CFAP54: variants seen among roughly 807,000 people sequenced by gnomAD.
CFAP54 encodes cilia and flagella associated protein 54.
A neutral mutation model predicts 370.4 loss-of-function variants in CFAP54; 290 were observed. The ratio of observed to expected loss-of-function variants is 0.78; its 90% CI spans 0.71 to 0.86. The LOEUF (loss-of-function observed/expected upper bound fraction) is 0.86, where lower values mean the gene tolerates loss of function less well. CFAP54 is among the 40% of genes least tolerant of loss of function. CFAP54 has a pLI of 0.00. For missense variants in CFAP54, 3,399 were observed against 3,528.7 expected, an observed-to-expected ratio of 0.96 and a Z score of 0.93; for synonymous variants, 1,206 against 1,236.5, an observed-to-expected ratio of 0.98 and a Z score of 0.52.
chr12:96,832,774 G>A (rs1237661471), intron 66 of CFAP54, among the ~76,000 whole-genome samples: 1 of 152,182 alleles, frequency 6.6e-6, no homozygotes, highest in Non-Finnish European at 1.5e-5. Flanking sequence ...GTTGAATCCT[G>A]TAAGAATTAG....
intron 50 of CFAP54, among the ~76,000 whole-genome samples, chr12:96,732,167 C>T (rs1225995849): frequency 6.6e-6 from 1 of 151,820 alleles, no homozygotes; most frequent in Non-Finnish European, 1.5e-5. Context: ...GCTGTGTCAC[C>T]CAGGCTGGAG....
intron 2 of CFAP54, among the ~76,000 whole-genome samples, chr12:96,501,530 C>T (rs11108551): frequency 0.11 from 16,051 of 152,148 alleles, 1,364 homozygotes; most frequent in East Asian, 0.45. Context: ...TGCTGTGGAC[C>T]GGTGGACTTG....
At chr12:96,782,234 C>G (rs775009796) in intron 60 of CFAP54, among the ~76,000 whole-genome samples, 20 of 151,982 alleles carry the variant, frequency 1.3e-4, no homozygotes, top group Non-Finnish European at 2.9e-4. Context: ...AGTAAATATT[C>G]AGATGCCAAA....
intron 36 of CFAP54, among the ~76,000 whole-genome samples, chr12:96,655,876 T>C (rs1956916727): frequency 6.6e-6 from 1 of 152,170 alleles, no homozygotes; most frequent in African/African-American, 2.4e-5. Context: ...TAATTTCTTT[T>C]TTTTAGGTAG....
chr12:96,548,453 A>C (rs548268899), intron 15 of CFAP54, among the ~76,000 whole-genome samples: 13 of 152,110 alleles, frequency 8.5e-5, no homozygotes, highest in Non-Finnish European at 1.9e-4. Context: ...TGCTAATTTT[A>C]AAAGTGTTAT....
At chr12:96,718,046 T>C (rs1233138727) in intron 48 of CFAP54, among the ~76,000 whole-genome samples, 1 of 152,206 alleles carries the variant, frequency 6.6e-6, no homozygotes, top group Non-Finnish European at 1.5e-5. Context: ...TTCCTGTGAA[T>C]GATGAGTTTT....
At chr12:96,573,180 C>T (rs1955941222) in intron 19 of CFAP54, 1 of 396,060 alleles carries the variant, frequency 2.5e-6, no homozygotes, top group Non-Finnish European at 3.4e-6. Flanking sequence ...CATTGGTCTC[C>T]TTTCCTTGTT....
intron 39 of CFAP54, among the ~76,000 whole-genome samples, chr12:96,674,179 C>T (rs983965091): frequency 3.9e-5 from 6 of 152,146 alleles, no homozygotes; most frequent in Admixed American, 6.6e-5. Context: ...TTGATTAGTG[C>T]CTTTGGGCAT....
At chr12:96,710,663 AT>A (rs953864158) in intron 48 of CFAP54, among the ~76,000 whole-genome samples, 150 of 145,762 alleles carry the variant, frequency 1.0e-3, no homozygotes, top group Admixed American at 1.2e-3. Flanking sequence ...GACATACAGA[AT>A]TTTTTTTTTT....
At chr12:96,618,978 T>C (rs1956454611) in intron 26 of CFAP54, among the ~76,000 whole-genome samples, 1 of 152,102 alleles carries the variant, frequency 6.6e-6, no homozygotes, top group Admixed American at 6.6e-5. Context: ...AATCCTCGCA[T>C]ATCAGCCTCT....
At chr12:96,583,030 T>G (rs1715927067) in intron 22 of CFAP54, among the ~76,000 whole-genome samples, 1 of 152,156 alleles carries the variant, frequency 6.6e-6, no homozygotes, top group Non-Finnish European at 1.5e-5. Flanking sequence ...TTATAAATAT[T>G]TGATAGTAAA....
chr12:96,718,944 A>G (rs1199529182), intron 49 of CFAP54, among the ~76,000 whole-genome samples: 1 of 152,030 alleles, frequency 6.6e-6, no homozygotes, highest in Non-Finnish European at 1.5e-5. Flanking sequence ...AGGCTGAGGC[A>G]GGAGAATCGC....
At chr12:96,819,655 A>G (rs1249812666) in intron 65 of CFAP54, among the ~76,000 whole-genome samples, 1 of 152,154 alleles carries the variant, frequency 6.6e-6, no homozygotes, top group Non-Finnish European at 1.5e-5. Flanking sequence ...TTCACAGCTG[A>G]GTCAAGTAGT....
At chr12:96,695,094 A>G (rs1285274060) in intron 45 of CFAP54, among the ~76,000 whole-genome samples, 1 of 152,198 alleles carries the variant, frequency 6.6e-6, no homozygotes, top group African/African-American at 2.4e-5. Flanking sequence ...ATCTCCATCC[A>G]TGGTGTGAAT....
intron 17 of CFAP54, among the ~76,000 whole-genome samples, chr12:96,555,303 A>G (rs1452466540): frequency 6.6e-6 from 1 of 152,012 alleles, no homozygotes; most frequent in Non-Finnish European, 1.5e-5. Flanking sequence ...CATTCAAATA[A>G]TATTGTATAT....
chr12:96,798,693 T>C (rs1958790441), intron 63 of CFAP54, among the ~76,000 whole-genome samples: 1 of 152,226 alleles, frequency 6.6e-6, no homozygotes, highest in South Asian at 2.1e-4. Flanking sequence ...TACCCTCATC[T>C]GTAATTAGAG....
intron 39 of CFAP54, among the ~76,000 whole-genome samples, chr12:96,675,256 C>T (rs1032871234): frequency 1.4e-4 from 21 of 152,120 alleles, no homozygotes; most frequent in African/African-American, 4.8e-4. Context: ...AAACAAACAA[C>T]CCCATCAACA....
intron 61 of CFAP54, among the ~76,000 whole-genome samples, chr12:96,785,182 G>A (rs1958616566): frequency 1.3e-5 from 2 of 152,200 alleles, no homozygotes; most frequent in South Asian, 4.1e-4. Context: ...TTAAGAACTA[G>A]TGATTCCAAT....
At chr12:96,552,490 T>C (rs2368102) in intron 15 of CFAP54, among the ~76,000 whole-genome samples, 83,279 of 151,544 alleles carry the variant, frequency 0.55, 23,434 homozygotes, top group East Asian at 0.74. Flanking sequence ...ACTACAGGTC[T>C]GCACCATCAT....
Sources: allele counts gnomAD v4.1 joint callset (sites outside exome capture counted in the v4.1 genomes callset), GRCh38; gene constraint gnomAD v4.1.1; transcripts MANE v1.5; gene names NCBI Gene and HGNC (gene_info 2026-07-23, HGNC 2026-07-21).